BLM: variants seen among roughly 807,000 people sequenced by gnomAD.
BLM encodes recQ-like DNA helicase BLM.
In BLM, 95 loss-of-function variants were observed where a neutral mutation model predicts 135.3. That is an observed-to-expected ratio of 0.70 (90% CI 0.59 to 0.83). BLM has a LOEUF of 0.83. BLM is among the 40% of genes least tolerant of loss of function. BLM has a pLI of 0.00. For synonymous variants in BLM, 520 were observed against 589.2 expected (o/e 0.88, Z 1.70); for missense variants, 1,518 against 1,663.9 (o/e 0.91, Z 1.53).
At chr15:90,738,163 A>C (rs1895267285) in intron 1 of BLM, among the ~76,000 whole-genome samples, 1 of 152,198 alleles carries the variant, frequency 6.6e-6, no homozygotes, top group East Asian at 1.9e-4. Context: ...GTTAGTAATC[A>C]GGTATCACCC....
rs139115275 is a variant in BLM, at chr15:90,815,149, G to A, written c.4124G>A (p.Ser1375Asn). Residue 1375 changes from serine to asparagine, a missense_variant, in exon 22 of 22, where the codon AGC becomes AAC. Physicochemically the swap from Ser to Asn is conservative, Grantham distance 46. Around this residue, in one of 5 missense-constraint regions of BLM, gnomAD observed 153 missense variants for 173.4 expected, o/e 0.88. Transcript: ENST00000355112. The surrounding 1 kb of genome is among the most constrained non-coding windows in gnomAD (Gnocchi z 4.6). ...ATATCTTCCAAAACGAAATCCTCCA[G>A]CATCATTGGATCCAGTTCAGCCTCA... ...RKISSKTKSS[S>N]IIGSSSASHT... 6.2e-7 allele frequency: 1 copy of A among 1,614,040 alleles called. No individual in the cohort carries two copies. The highest frequency in any genetic ancestry group is 1.3e-5 in the African/African-American group (1 of 74,908).
intron 1 of BLM, among the ~76,000 whole-genome samples, chr15:90,732,114 G>T (rs1895084889): frequency 1.3e-5 from 2 of 151,954 alleles, no homozygotes; most frequent in African/African-American, 4.8e-5. Context: ...TTGCATATTA[G>T]ATATTTTTAT....
At chr15:90,753,572 G>C (rs1327249185) in intron 4 of BLM, among the ~76,000 whole-genome samples, 1 of 152,088 alleles carries the variant, frequency 6.6e-6, no homozygotes, top group Non-Finnish European at 1.5e-5. Context: ...ATTTCCCATT[G>C]TAACTTAGTA....
chr15:90,798,066 GT>G, intron 16 of BLM, 123 bp from the exon 17 acceptor site: 1 of 763,162 alleles, frequency 1.3e-6, no homozygotes, highest in Non-Finnish European at 2.0e-6. Flanking sequence ...ATTTCCGTAG[GT>G]TTTGGTCTCG....
chr15:90,814,595 C>A (rs1007511493), intron 21 of BLM, among the ~76,000 whole-genome samples: 2 of 152,124 alleles, frequency 1.3e-5, no homozygotes, highest in African/African-American at 4.8e-5. Flanking sequence ...CAGGAAGACG[C>A]CCAGCTTTGC....
chr15:90,793,872 C>A, intron 15 of BLM: 1 of 192,224 alleles, frequency 5.2e-6, no homozygotes, highest in Non-Finnish European at 1.1e-5. Flanking sequence ...TCAGGATGTT[C>A]AGTTCGGTGG....
rs1895773501 is a variant in BLM at position 90,754,803 on chromosome 15, A to G, written c.960-8A>G. On this transcript the variant is annotated splice_region_variant and splice_polypyrimidine_tract_variant and intron_variant, in intron 4 of 21. Coordinates refer to ENST00000355112, the MANE Select transcript of BLM (RefSeq NM_000057.4). ...GTATGATTGGCTTAACATTTTTTTT[A>G]TTTGCAGTACGTTAAAGGACCTTGA... 2 of 1,612,580 alleles carry G rather than the reference A, an allele frequency of 1.2e-6. No individual in the cohort carries two copies. The highest frequency in any genetic ancestry group is 1.7e-6 in the Non-Finnish European group (2 of 1,179,326).
chr15:90,801,039 C>T (rs772275854), intron 17 of BLM, among the ~76,000 whole-genome samples: 4 of 151,912 alleles, frequency 2.6e-5, no homozygotes, highest in Admixed American at 6.6e-5. Flanking sequence ...ATCCCAGCTA[C>T]GCAGGAGGCC....
At position 90,790,837 on chromosome 15, in the gene BLM, TATAATGAGTAA is replaced by T. The variant is rs765392662; in HGVS notation, c.3013_3019+4del. The T allele has an allele frequency of 1.2e-6, 2 of 1,613,426 alleles. No individual in the cohort carries two copies. Among genetic ancestry groups the T allele is most frequent in the Non-Finnish European group, 1.7e-6 (2 of 1,179,458 alleles). On this transcript the variant is annotated splice_donor_variant and splice_donor_region_variant and coding_sequence_variant and intron_variant, in exon 15 of 22. Transcript: ENST00000355112. LOFTEE classifies it high-confidence loss of function. ...ATGATGTGACCAGACTGAAAAGACT[TATAATGAGTAA>T]GCTGGGCTCCATTGTAGAGACATTC...
intron 1 of BLM, among the ~76,000 whole-genome samples, chr15:90,738,339 C>CG (rs533293696): frequency 1.1e-4 from 17 of 152,054 alleles, no homozygotes; most frequent in Non-Finnish European, 2.2e-4. Flanking sequence ...GGGAGGCTGC[C>CG]GGGACGGGAG....
chr15:90,742,922 C>T (rs899134673), intron 1 of BLM, among the ~76,000 whole-genome samples: 9 of 151,878 alleles, frequency 5.9e-5, no homozygotes, highest in Admixed American at 3.3e-4. Context: ...AAGTGTGAGC[C>T]GCCGTGCCCA....
intron 17 of BLM, among the ~76,000 whole-genome samples, chr15:90,801,977 G>A (rs1897175676): frequency 1.3e-5 from 2 of 152,020 alleles, no homozygotes; most frequent in Admixed American, 6.6e-5. Context: ...GATCACCTGC[G>A]CCCATGAGAT....
chr15:90,782,387 C>CA lies in BLM; in HGVS notation c.2556-426dup, dbSNP rs776374962. Among the ~76,000 whole-genome samples the CA allele has an allele frequency of 2.0e-3, 298 of 148,720 alleles. 2 individuals carry two copies. The highest frequency in any genetic ancestry group is 0.015 in the East Asian group (78 of 5,062). On this transcript the variant is annotated intron_variant, in intron 12 of 21. Transcript: ENST00000355112. ...TGGGCGACAGAGTGAGACTCTGTCT[C>CA]AAAAAAAAACAAAACAAAACAAAAC... is the stretch of plus-strand genomic sequence containing the variant.
At chr15:90,730,728 G>T (rs1895045956) in intron 1 of BLM, among the ~76,000 whole-genome samples, 1 of 152,182 alleles carries the variant, frequency 6.6e-6, no homozygotes, top group African/African-American at 2.4e-5. Flanking sequence ...TTACAGGTAT[G>T]AGCCACCATG....
intron 1 of BLM, among the ~76,000 whole-genome samples, chr15:90,742,001 A>G (rs951009063): frequency 4.2e-4 from 64 of 152,346 alleles, no homozygotes; most frequent in Admixed American, 4.1e-3. Context: ...TTGATAATAC[A>G]TACTGTGTGA....
chr15:90,732,896 C>G lies in BLM; in HGVS notation c.-4-14493C>G, dbSNP rs142736770. Among the ~76,000 whole-genome samples the G allele has an allele frequency of 1.7e-3, 266 of 152,262 alleles. 1 individual carries two copies. Among genetic ancestry groups the G allele is most frequent in the African/African-American group, 5.8e-3 (240 of 41,564 alleles). On this transcript the variant is annotated intron_variant, in intron 1 of 21. Transcript: ENST00000355112. ...AGATCACGAGGTCAGGAGATCAAGA[C>G]TATCCTGTCCAACACGGTGAAACCC...
chr15:90,763,199 G>C, intron 8 of BLM, 42 bp downstream of exon 8: 1 of 1,592,170 alleles, frequency 6.3e-7, no homozygotes, highest in Non-Finnish European at 8.6e-7. Context: ...TCCATTGGCA[G>C]ATGTTAAATG....
intron 18 of BLM, 53 bp downstream of exon 18, chr15:90,803,773 A>G (rs1897223033): frequency 1.3e-6 from 2 of 1,538,902 alleles, no homozygotes; most frequent in Non-Finnish European, 1.8e-6. Flanking sequence ...GAACCAAAAT[A>G]TATTATTGTG....
At chr15:90,795,615 C>A (rs756455866) in intron 16 of BLM, among the ~76,000 whole-genome samples, 29 of 149,508 alleles carry the variant, frequency 1.9e-4, no homozygotes, top group Admixed American at 8.6e-4. Flanking sequence ...ATCCCTTAAA[C>A]ATTGCTATCA....
Sources: gnomAD v4.1 joint callset for allele counts (sites outside exome capture counted in the v4.1 genomes callset) on GRCh38, gnomAD v4.1.1 for gene constraint, gnomAD v4.1.1 regional missense constraint, Gnocchi (gnomAD v3.1) non-coding constraint, MANE v1.5 for transcripts, NCBI Gene and HGNC (gene_info 2026-07-23, HGNC 2026-07-21) for gene names.